PXDNL: variants seen among roughly 807,000 people sequenced by gnomAD.
The protein encoded by PXDNL is peroxidasin like, also known as probable oxidoreductase PXDNL.
In PXDNL, 145 loss-of-function variants were observed where a neutral mutation model predicts 150.8. The ratio of observed to expected loss-of-function variants is 0.96; its 90% CI spans 0.84 to 1.10. The LOEUF (loss-of-function observed/expected upper bound fraction) is 1.10. PXDNL is among the 50% of genes least tolerant of loss of function. PXDNL has a pLI of 0.00. For missense variants in PXDNL, 2,087 were observed against 1,873.9 expected, an observed-to-expected ratio of 1.11 and a Z score of -2.10; for synonymous variants, 757 against 725.7, an observed-to-expected ratio of 1.04 and a Z score of -0.69.
At chr8:51,455,665 C>T (rs1481470419) in intron 9 of PXDNL, among the ~76,000 whole-genome samples, 1 of 152,108 alleles carries the variant, frequency 6.6e-6, no homozygotes, top group Non-Finnish European at 1.5e-5. Context: ...GTCGTGTTCT[C>T]AAAGTAGAAA....
chr8:51,347,826 C>T (rs1201078407), intron 19 of PXDNL, among the ~76,000 whole-genome samples: 1 of 152,060 alleles, frequency 6.6e-6, no homozygotes, highest in Non-Finnish European at 1.5e-5. Context: ...TGCTTATTTT[C>T]CCCTACTGTT....
chr8:51,694,769 TAAAC>T (rs1285124427), intron 1 of PXDNL, among the ~76,000 whole-genome samples: 1 of 152,254 alleles, frequency 6.6e-6, no homozygotes, highest in Admixed American at 6.5e-5. Context: ...TATTTAAAGT[TAAAC>T]AAACAGACAA....
At chr8:51,543,360 T>C (rs1394328554) in intron 4 of PXDNL, among the ~76,000 whole-genome samples, 2 of 152,046 alleles carry the variant, frequency 1.3e-5, no homozygotes, top group African/African-American at 2.4e-5. Context: ...CTTCCTGTTG[T>C]CTAAAAAAGG....
intron 1 of PXDNL, among the ~76,000 whole-genome samples, chr8:51,688,882 G>A (rs1490014015): frequency 6.6e-6 from 1 of 152,222 alleles, no homozygotes; most frequent in Non-Finnish European, 1.5e-5. Context: ...TCCAGGAACA[G>A]CACCATCTTT....
chr8:51,391,893 T>A (rs1354811225), intron 17 of PXDNL, among the ~76,000 whole-genome samples: 1 of 152,232 alleles, frequency 6.6e-6, no homozygotes, highest in Non-Finnish European at 1.5e-5. Context: ...AAGTCTTTAA[T>A]CCATCTTGAA....
chr8:51,537,428 C>T (rs1485307574), intron 4 of PXDNL, among the ~76,000 whole-genome samples: 1 of 152,232 alleles, frequency 6.6e-6, no homozygotes, highest in African/African-American at 2.4e-5. Flanking sequence ...TACATAGTCA[C>T]TTCAAAACAT....
At chr8:51,772,281 T>C (rs543482919) in intron 1 of PXDNL, among the ~76,000 whole-genome samples, 182 of 151,242 alleles carry the variant, frequency 1.2e-3, no homozygotes, top group Non-Finnish European at 2.1e-3. Context: ...GCTGCTCCGA[T>C]GGGTCACACC....
rs1424535388 is a variant in PXDNL at position 51,411,390 on chromosome 8, C to T, written c.1922G>A (p.Ser641Asn). ...HLFSQKPHTS[S>N]DLLAQFHYPR... ...GTAATGAAATTGAGCCAGCAGGTCACTGGAGGTGTGAGGTTTTCTGCAAAT... is the reference window on the plus strand; with the variant it reads ...GTAATGAAATTGAGCCAGCAGGTCATTGGAGGTGTGAGGTTTTCTGCAAAT... The change falls in exon 16 of 23, where the codon AGT becomes AAT. Residue 641 changes from serine (S) to asparagine (N), a missense_variant. Coordinates refer to ENST00000356297, the MANE Select transcript of PXDNL (RefSeq NM_144651.5). The T allele has an allele frequency of 6.4e-7, 1 of 1,574,640 alleles. No individual in the cohort carries two copies. Among genetic ancestry groups the T allele is most frequent in the Non-Finnish European group, 8.6e-7 (1 of 1,166,082 alleles).
chr8:51,410,814 C>A (rs1808611820), intron 16 of PXDNL, among the ~76,000 whole-genome samples: 1 of 151,870 alleles, frequency 6.6e-6, no homozygotes, highest in Non-Finnish European at 1.5e-5. Context: ...AACAAAAAAA[C>A]AAAAATCAAA....
In PXDNL at chr8:51,472,232, C is replaced by A. The variant is rs183082353; in HGVS notation, c.767G>T (p.Arg256Leu). Residue 256 changes from arginine (R) to leucine (L), a missense_variant, in exon 8 of 23, where the codon CGG becomes CTG. By Grantham distance (102) the Arg-to-Leu change is moderately radical (BLOSUM62 -2). Transcript: ENST00000356297. ...CTCAGGTTTGGGGTTTCCTTCCGCC[C>A]GGCAGGTGAAGTAGACGGTATTTCC... ...PSGNTVYFTC[R>L]AEGNPKPEII... 2.5e-5 allele frequency: 41 copies of A among 1,613,380 alleles called. No homozygotes were observed. Among genetic ancestry groups the A allele is most frequent in the Non-Finnish European group, 3.5e-5 (41 of 1,179,574 alleles).
chr8:51,502,205 A>C (rs901677816), intron 4 of PXDNL, among the ~76,000 whole-genome samples: 1 of 152,354 alleles, frequency 6.6e-6, no homozygotes, highest in East Asian at 1.9e-4. Flanking sequence ...AATGTGGTAC[A>C]GAGATAAAGT....
chr8:51,628,653 T>C (rs1814420106), intron 2 of PXDNL, among the ~76,000 whole-genome samples: 1 of 151,980 alleles, frequency 6.6e-6, no homozygotes, highest in Non-Finnish European at 1.5e-5. Flanking sequence ...TCCACCCACC[T>C]TGGCCTCTCA....
At chr8:51,707,031 G>A (rs549981888) in intron 1 of PXDNL, among the ~76,000 whole-genome samples, 3 of 152,212 alleles carry the variant, frequency 2.0e-5, no homozygotes, top group South Asian at 2.1e-4. Flanking sequence ...CTACATAGAC[G>A]GTTTTACTAC....
chr8:51,426,219 T>G (rs867805967), intron 13 of PXDNL, among the ~76,000 whole-genome samples: 21 of 152,336 alleles, frequency 1.4e-4, no homozygotes, highest in Middle Eastern at 3.4e-3. Context: ...GTTTTGAAAC[T>G]TCAGAACTAC....
At chr8:51,693,581 T>G (rs1585678687) in intron 1 of PXDNL, among the ~76,000 whole-genome samples, 1 of 152,178 alleles carries the variant, frequency 6.6e-6, no homozygotes, top group African/African-American at 2.4e-5. Context: ...GAGACCAGCC[T>G]GGGCAACATG....
At chr8:51,403,055 T>C (rs1486000872) in intron 17 of PXDNL, among the ~76,000 whole-genome samples, 3 of 146,794 alleles carry the variant, frequency 2.0e-5, no homozygotes, top group African/African-American at 7.6e-5. Flanking sequence ...GCCACTGCAC[T>C]TCAGCCTAGG....
At chr8:51,607,873 G>GAAGC (rs1215149223) in intron 2 of PXDNL, among the ~76,000 whole-genome samples, 1 of 112,962 alleles carries the variant, frequency 8.9e-6, no homozygotes, top group African/African-American at 4.0e-5. Context: ...AGGAAGGAAG[G>GAAGC]AAGGAAGGAA....
intron 14 of PXDNL, among the ~76,000 whole-genome samples, chr8:51,421,440 T>A (rs1201802080): frequency 6.6e-6 from 1 of 152,110 alleles, no homozygotes; most frequent in African/African-American, 2.4e-5. Context: ...TGGCTCTGGC[T>A]TGTAATCCCA....
chr8:51,339,153 T>C (rs1805916501), intron 21 of PXDNL, among the ~76,000 whole-genome samples: 1 of 152,122 alleles, frequency 6.6e-6, no homozygotes, highest in Non-Finnish European at 1.5e-5. Context: ...CTTCCCTAAC[T>C]CACTTCTTAT....
Sources: gnomAD v4.1 joint callset for allele counts (sites outside exome capture counted in the v4.1 genomes callset) on GRCh38, gnomAD v4.1.1 for gene constraint, MANE v1.5 for transcripts, NCBI Gene and HGNC (gene_info 2026-07-23, HGNC 2026-07-21) for gene names.